The following ELP4 variants were observed in gnomAD, a reference collection of about 807,000 sequenced individuals.
The protein encoded by ELP4 is elongator acetyltransferase complex subunit 4.
In ELP4, 51 loss-of-function variants were observed where a neutral mutation model predicts 48.9. The ratio of observed to expected loss-of-function variants is 1.04; its 90% confidence interval spans 0.83 to 1.32. The LOEUF (loss-of-function observed/expected upper bound fraction) is 1.32. ELP4 is among the 40% of genes most tolerant of loss of function. ELP4 has a pLI of 0.00. For missense variants in ELP4, 519 were observed against 514.6 expected, an observed-to-expected ratio of 1.01 and a Z score of -0.08; for synonymous variants, 210 against 189.2, an observed-to-expected ratio of 1.11 and a Z score of -0.90.
chr11:31,545,511 G>A (rs1295471976), intron 3 of ELP4, among the ~76,000 whole-genome samples: 1 of 151,540 alleles, frequency 6.6e-6, no homozygotes, highest in Non-Finnish European at 1.5e-5. Context: ...CGTCTGATTG[G>A]TGTACCTGAA....
intron 4 of ELP4, among the ~76,000 whole-genome samples, chr11:31,596,647 A>G (rs1957675577): frequency 6.6e-6 from 1 of 152,252 alleles, no homozygotes; most frequent in African/African-American, 2.4e-5. Flanking sequence ...ATAGATGCAT[A>G]TTAAGCAATG....
At chr11:31,550,003 G>A (rs927649900) in intron 3 of ELP4, among the ~76,000 whole-genome samples, 16 of 152,096 alleles carry the variant, frequency 1.1e-4, no homozygotes, top group African/African-American at 3.6e-4. Flanking sequence ...GGGTAGGGGG[G>A]AGGGATAGCA....
intron 9 of ELP4, among the ~76,000 whole-genome samples, chr11:31,772,317 T>C (rs1168966560): frequency 6.6e-6 from 1 of 152,056 alleles, no homozygotes; most frequent in African/African-American, 2.4e-5. Context: ...TGGTAGAGAC[T>C]GTGTTTCACC....
At chr11:31,767,197 T>C (rs1267370446) in intron 9 of ELP4, 1 of 152,172 alleles carries the variant, frequency 6.6e-6, no homozygotes, top group Non-Finnish European at 1.5e-5. Context: ...GCACTAATTT[T>C]GCAAATGCCA....
chr11:31,693,528 A>G (rs1439781894), intron 9 of ELP4, among the ~76,000 whole-genome samples: 1 of 152,114 alleles, frequency 6.6e-6, no homozygotes, highest in South Asian at 2.1e-4. Context: ...CATTGTGTAT[A>G]TGTGCCATAT....
intron 9 of ELP4, among the ~76,000 whole-genome samples, chr11:31,709,065 A>G (rs1371528786): frequency 6.6e-6 from 1 of 152,074 alleles, no homozygotes; most frequent in East Asian, 1.9e-4. Flanking sequence ...TAAATTTTCT[A>G]CTCTCTAACA....
At chr11:31,602,192 C>A (rs914010091) in intron 4 of ELP4, among the ~76,000 whole-genome samples, 94 of 152,024 alleles carry the variant, frequency 6.2e-4, no homozygotes, top group African/African-American at 2.0e-3. Context: ...ATTAAGGGGG[C>A]TTGGACTTAC....
intron 5 of ELP4, among the ~76,000 whole-genome samples, chr11:31,626,597 TACTC>T (rs1325627937): frequency 1.3e-5 from 2 of 151,904 alleles, no homozygotes; most frequent in Admixed American, 1.3e-4. Context: ...GTGAAAATCA[TACTC>T]ACTTTTCTTC....
chr11:31,708,598 T>C (rs933834663), intron 9 of ELP4, among the ~76,000 whole-genome samples: 21 of 152,014 alleles, frequency 1.4e-4, no homozygotes, highest in African/African-American at 5.1e-4. Flanking sequence ...AACCAACAAA[T>C]TTATAAACTG....
chr11:31,705,560 CTT>C (rs1262631930), intron 9 of ELP4, among the ~76,000 whole-genome samples: 1 of 152,128 alleles, frequency 6.6e-6, no homozygotes, highest in African/African-American at 2.4e-5. Flanking sequence ...GGTTCAGAAT[CTT>C]TTTATTTTGA....
chr11:31,594,124 C>T (rs891268840), intron 3 of ELP4, among the ~76,000 whole-genome samples: 3 of 151,952 alleles, frequency 2.0e-5, no homozygotes, highest in Non-Finnish European at 2.9e-5. Flanking sequence ...TCTATAGTAC[C>T]GCTTAACAAA....
At chr11:31,715,644 A>C (rs1946828919) in intron 9 of ELP4, among the ~76,000 whole-genome samples, 1 of 152,254 alleles carries the variant, frequency 6.6e-6, no homozygotes, top group South Asian at 2.1e-4. Context: ...ATCTAGTTGT[A>C]GAAATAAGGC....
intron 9 of ELP4, among the ~76,000 whole-genome samples, chr11:31,765,988 T>C (rs1215158477): frequency 6.6e-6 from 1 of 152,084 alleles, no homozygotes; most frequent in African/African-American, 2.4e-5. Flanking sequence ...TTCCCATTAA[T>C]ACATTGGGAA....
At chr11:31,744,885 G>A (rs1008047824) in intron 9 of ELP4, among the ~76,000 whole-genome samples, 3 of 152,120 alleles carry the variant, frequency 2.0e-5, no homozygotes, top group African/African-American at 7.2e-5. Flanking sequence ...GGAAGTTCTG[G>A]CCAGGGCACT....
intron 9 of ELP4, among the ~76,000 whole-genome samples, chr11:31,745,682 A>G (rs1186685109): frequency 1.3e-5 from 2 of 152,204 alleles, no homozygotes; most frequent in Non-Finnish European, 2.9e-5. Context: ...AAAACTGGCT[A>G]GCCATATGTA....
chr11:31,596,645 A>G (rs922496151), intron 4 of ELP4, among the ~76,000 whole-genome samples: 1 of 152,226 alleles, frequency 6.6e-6, no homozygotes, highest in Non-Finnish European at 1.5e-5. Flanking sequence ...TAATAGATGC[A>G]TATTAAGCAA....
rs757792983 is a variant in ELP4, at chr11:31,668,675, C to CATGTGTGTGTGTGTGTGTGTGTGTGTGT, written c.1143+18454_1143+18455insATGTGTGTGTGTGTGTGTGTGTGTGTGT. Among the ~76,000 whole-genome samples, 121 of 121,102 alleles carry CATGTGTGTGTGTGTGTGTGTGTGTGTGT rather than the reference C, an allele frequency of 1.0e-3. 24 individuals carry two copies. The East Asian group carries it at 0.013, about 13-fold the overall frequency. 79.4% of individuals were successfully genotyped at this position (121,102 alleles called of 152,430 possible). ...ATCGGAATGAAATTTCCTTTGGTAC[C>CATGTGTGTGTGTGTGTGTGTGTGTGTGT]GTGTGTGTGTGTGTGTGTGTGTGTG... On this transcript the variant is annotated intron_variant, in intron 9 of 9. Coordinates refer to ENST00000640961, the MANE Select transcript of ELP4 (RefSeq NM_019040.5).
intron 1 of ELP4, among the ~76,000 whole-genome samples, chr11:31,514,704 G>A (rs992173963): frequency 2.6e-5 from 4 of 152,070 alleles, no homozygotes; most frequent in African/African-American, 9.7e-5. Flanking sequence ...TTTGGAATTA[G>A]ATAAAATTAC....
At position 31,783,405 on chromosome 11, in the gene ELP4, C is replaced by T. The variant is rs756702287; in HGVS notation, c.1156C>T (p.Pro386Ser). The T allele has an allele frequency of 2.5e-6, 4 of 1,613,144 alleles. No individual in the cohort carries two copies. The highest frequency in any genetic ancestry group is 2.2e-5 in the South Asian group (2 of 91,028). ...KLFTIERLHL[P>S]PDLSDTVSRS... ...TCTTCTGCCATAGCGACTGCATTTGCCTCCAGACTTGTCAGACACAGTGAG... is the reference window on the plus strand; with the variant it reads ...TCTTCTGCCATAGCGACTGCATTTGTCTCCAGACTTGTCAGACACAGTGAG... The change falls in exon 10 of 10, where the codon CCT becomes TCT. Residue 386 changes from proline to serine, a missense_variant. Physicochemically the swap from Pro to Ser is moderately conservative, Grantham distance 74. Coordinates refer to ENST00000640961, the MANE Select transcript of ELP4 (RefSeq NM_019040.5).
Sources: gnomAD v4.1 joint callset for allele counts (sites outside exome capture counted in the v4.1 genomes callset) on GRCh38, gnomAD v4.1.1 for gene constraint, MANE v1.5 for transcripts, NCBI Gene and HGNC (gene_info 2026-07-23, HGNC 2026-07-21) for gene names.